Variants in TMCC1 observed in about 807,000 individuals in gnomAD.
TMCC1 encodes transmembrane and coiled-coil domain family 1.
TMCC1 carries 15 observed loss-of-function variants against 52.4 expected under a neutral mutation model. The ratio of observed to expected loss-of-function variants is 0.29; its 90% CI spans 0.19 to 0.44. The LOEUF (loss-of-function observed/expected upper bound fraction) is 0.44. TMCC1 is among the 20% of genes least tolerant of loss of function. The pLI is 1.00. For synonymous variants in TMCC1, 279 were observed against 301.9 expected, an observed-to-expected ratio of 0.92 and a Z score of 0.79; for missense variants, 503 against 806.0, an observed-to-expected ratio of 0.62 and a Z score of 4.55.
At chr3:129,739,919 T>C (rs2051312586) in intron 4 of TMCC1, among the ~76,000 whole-genome samples, 1 of 152,252 alleles carries the variant, frequency 6.6e-6, no homozygotes, top group South Asian at 2.1e-4. Context: ...AGATTTAAGA[T>C]TCTTACTTTT....
chr3:129,783,052 AAAACTTTAC>A (rs2055668233), intron 4 of TMCC1, among the ~76,000 whole-genome samples: 1 of 152,230 alleles, frequency 6.6e-6, no homozygotes, highest in African/African-American at 2.4e-5. Context: ...ATATAAATTC[AAAACTTTAC>A]AAAGCCAAAC....
chr3:129,838,230 C>T (rs1328227985), intron 2 of TMCC1, among the ~76,000 whole-genome samples: 3 of 151,758 alleles, frequency 2.0e-5, no homozygotes, highest in Admixed American at 2.0e-4. Flanking sequence ...CATAGGGAGA[C>T]CTCATCCCTA....
intron 4 of TMCC1, among the ~76,000 whole-genome samples, chr3:129,792,056 A>T (rs1250768634): frequency 6.6e-6 from 1 of 152,038 alleles, no homozygotes; most frequent in Admixed American, 6.6e-5. Flanking sequence ...CTTTTTGTTA[A>T]AACAGGAAAT....
At chr3:129,881,368 T>C (rs2061451983) in intron 1 of TMCC1, among the ~76,000 whole-genome samples, 1 of 152,184 alleles carries the variant, frequency 6.6e-6, no homozygotes, top group African/African-American at 2.4e-5. Flanking sequence ...GGTCATATCA[T>C]GCAACGAATC....
intron 4 of TMCC1, among the ~76,000 whole-genome samples, chr3:129,751,015 C>T (rs992262297): frequency 2.0e-4 from 31 of 152,096 alleles, no homozygotes; most frequent in African/African-American, 7.5e-4. Context: ...GTGTGGGCAA[C>T]ATGGTAAAAC....
intron 2 of TMCC1, among the ~76,000 whole-genome samples, chr3:129,834,252 G>C (rs2059053682): frequency 6.6e-6 from 1 of 152,118 alleles, no homozygotes; most frequent in South Asian, 2.1e-4. Flanking sequence ...CAGTATGTTT[G>C]GGCATACTGT....
In TMCC1 at chr3:129,859,365, AGCTCACGCG is replaced by A. The variant is rs1254841518; in HGVS notation, c.-184+20935_-184+20943del. ...AAAATGAATTCAGGCTGGGTGTGAT[AGCTCACGCG>A]TTATCCCAGCACTTTGTTTTGGGAG... is the stretch of plus-strand genomic sequence containing the variant. On this transcript the variant is annotated intron_variant, in intron 2 of 6. Coordinates refer to ENST00000393238, the MANE Select transcript of TMCC1 (RefSeq NM_001017395.5). Among the ~76,000 whole-genome samples, 9 of 152,314 alleles carry A rather than the reference AGCTCACGCG, an allele frequency of 5.9e-5. 1 individual carries two copies. The highest frequency in any genetic ancestry group is 1.3e-4 in the Non-Finnish European group (9 of 68,022).
chr3:129,787,732 C>A (rs1377781848), intron 4 of TMCC1, among the ~76,000 whole-genome samples: 1 of 152,084 alleles, frequency 6.6e-6, no homozygotes, highest in Non-Finnish European at 1.5e-5. Context: ...TGCATTTAAA[C>A]AAGTTTTTAA....
intron 4 of TMCC1, among the ~76,000 whole-genome samples, chr3:129,678,871 C>G (rs1018435635): frequency 1.3e-5 from 2 of 152,172 alleles, no homozygotes; most frequent in Non-Finnish European, 2.9e-5. Flanking sequence ...AGCAATGCAA[C>G]AGTCTCCTAT....
chr3:129,718,177 T>C (rs1205273540), intron 4 of TMCC1, among the ~76,000 whole-genome samples: 1 of 152,262 alleles, frequency 6.6e-6, no homozygotes, highest in Non-Finnish European at 1.5e-5. Flanking sequence ...AATCTGAAGT[T>C]AATTCTATCA....
In TMCC1 at chr3:129,651,581, G is replaced by A. The variant is rs1425234791; in HGVS notation, c.1862C>T (p.Thr621Met). 4 of 1,614,208 alleles carry A rather than the reference G, an allele frequency of 2.5e-6. No homozygotes were observed. Among genetic ancestry groups the A allele is most frequent in the East Asian group, 2.2e-5 (1 of 44,886 alleles). Reference protein sequence around the residue: ...VVPLMKTRNRTFSTLFLVVFI... With the variant: ...VVPLMKTRNRMFSTLFLVVFI... ...AACCACAAGGAATAAAGTGCTGAAC[G>A]TCCTGTTGCGAGTCTTCATGAGGGG... Residue 621 changes from threonine (T) to methionine (M), a missense_variant, in exon 7 of 7, where the codon ACG becomes ATG. By Grantham distance (81) the Thr-to-Met change is moderately conservative (BLOSUM62 -1). Coordinates refer to ENST00000393238, the MANE Select transcript of TMCC1 (RefSeq NM_001017395.5). The surrounding 1 kb of genome is among the most constrained non-coding windows in gnomAD (Gnocchi z 5.1).
At chr3:129,807,018 T>C (rs960941483) in intron 4 of TMCC1, among the ~76,000 whole-genome samples, 1 of 152,152 alleles carries the variant, frequency 6.6e-6, no homozygotes, top group Admixed American at 6.5e-5. Flanking sequence ...TACAGCTATA[T>C]GTGATAACAT....
At chr3:129,687,229 C>A (rs1161783096) in intron 4 of TMCC1, among the ~76,000 whole-genome samples, 8 of 152,020 alleles carry the variant, frequency 5.3e-5, no homozygotes, top group Middle Eastern at 6.8e-3. Context: ...CTTGGCTCTC[C>A]GAGATAGGAA....
chr3:129,707,859 G>A (rs565421539), intron 4 of TMCC1, among the ~76,000 whole-genome samples: 3 of 150,952 alleles, frequency 2.0e-5, no homozygotes, highest in African/African-American at 7.3e-5. Flanking sequence ...TTGAACCCAG[G>A]AGACGGAGGT....
chr3:129,714,008 AG>A, intron 4 of TMCC1, among the ~76,000 whole-genome samples: 1 of 152,316 alleles, frequency 6.6e-6, no homozygotes, highest in South Asian at 2.1e-4. Flanking sequence ...ATAAATGAAA[AG>A]CCCCTGTTTC....
chr3:129,710,426 T>G (rs1156503411), intron 4 of TMCC1, among the ~76,000 whole-genome samples: 1 of 152,150 alleles, frequency 6.6e-6, no homozygotes, highest in African/African-American at 2.4e-5. Context: ...GACTCCCAAG[T>G]ACCTGGGACT....
rs1332914249 is a variant in TMCC1, at chr3:129,648,672, T to C, written c.*2809A>G. The C allele has an allele frequency of 7.1e-6, 1 of 141,844 alleles. No individual in the cohort carries two copies. Among genetic ancestry groups the C allele is most frequent in the Non-Finnish European group, 1.6e-5 (1 of 63,988 alleles). The allele number at this position is 141,844 out of a possible 1,614,324, so 8.8% of individuals were successfully genotyped here. ...CAGGAATGTTTCATTTTAAAGGGAA[T>C]GAATACAGTTTTCTTTTCTTTTTTT... On this transcript the variant is annotated 3_prime_UTR_variant, in exon 7 of 7. Transcript: ENST00000393238.
At chr3:129,808,914 T>G (rs1576931471) in intron 4 of TMCC1, among the ~76,000 whole-genome samples, 1 of 108,946 alleles carries the variant, frequency 9.2e-6, no homozygotes, top group Non-Finnish European at 1.7e-5. Flanking sequence ...TTGGGTTAGA[T>G]ATGCTGGAAA....
chr3:129,885,743 T>TTTTG (rs1169239670), intron 1 of TMCC1, among the ~76,000 whole-genome samples: 1 of 151,970 alleles, frequency 6.6e-6, no homozygotes, highest in Non-Finnish European at 1.5e-5. Context: ...TAATAGGTTT[T>TTTTG]TTTGTTTGTT....
Sources: allele counts gnomAD v4.1 joint callset (sites outside exome capture counted in the v4.1 genomes callset), GRCh38; gene constraint gnomAD v4.1.1; non-coding constraint Gnocchi (gnomAD v3.1); transcripts MANE v1.5; gene names NCBI Gene and HGNC (gene_info 2026-07-23, HGNC 2026-07-21).